KLHL29: variants seen among roughly 807,000 people sequenced by gnomAD.
KLHL29 encodes kelch like family member 29.
A neutral mutation model predicts 80.4 loss-of-function variants in KLHL29; 21 were observed. The ratio of observed to expected loss-of-function variants is 0.26; its 90% confidence interval spans 0.19 to 0.38. The LOEUF is 0.38. KLHL29 is among the 10% of genes least tolerant of loss of function. KLHL29 has a pLI of 1.00. For synonymous variants in KLHL29, 511 were observed against 526.8 expected, an observed-to-expected ratio of 0.97 and a Z score of 0.41; for missense variants, 867 against 1,223.9, an observed-to-expected ratio of 0.71 and a Z score of 4.35.
chr2:23,688,077 C>T (rs963637497), intron 6 of KLHL29, among the ~76,000 whole-genome samples: 1 of 152,152 alleles, frequency 6.6e-6, no homozygotes, highest in Non-Finnish European at 1.5e-5. Flanking sequence ...GGCAGCACCT[C>T]GGTAGAGTGG....
intron 2 of KLHL29, among the ~76,000 whole-genome samples, chr2:23,548,588 A>G (rs140120644): frequency 1.3e-5 from 2 of 152,104 alleles, no homozygotes. Context: ...GCGCCAACCC[A>G]TCTCTCCTTT....
chr2:23,495,255 C>T lies in KLHL29; in HGVS notation c.-46+19588C>T, dbSNP rs111655730. ...CTGCAGGAGGTGGTCCCTGTAGTGA[C>T]GTTCTAGGAGGTGCCTCTGTGGGCT... On this transcript the variant is annotated intron_variant, in intron 2 of 13. Coordinates refer to ENST00000486442, the MANE Select transcript of KLHL29 (RefSeq NM_052920.2). 3.3e-4 allele frequency among the ~76,000 whole-genome samples: 50 copies of T among 152,104 alleles called. 1 individual carries two copies. Among genetic ancestry groups the T allele is most frequent in the Non-Finnish European group, 5.3e-4 (36 of 67,982 alleles).
intron 1 of KLHL29, among the ~76,000 whole-genome samples, chr2:23,470,742 T>C (rs1369603720): frequency 1.3e-5 from 2 of 152,198 alleles, no homozygotes; most frequent in African/African-American, 2.4e-5. Flanking sequence ...CTTAATGGAA[T>C]AGGCAATCTC....
chr2:23,508,467 A>G (rs2103460117), intron 2 of KLHL29, among the ~76,000 whole-genome samples: 1 of 152,376 alleles, frequency 6.6e-6, no homozygotes, highest in African/African-American at 2.4e-5. Context: ...GCTAACAGGT[A>G]GGAGCTGTGC....
At chr2:23,387,546 A>T (rs1357382590) in intron 1 of KLHL29, among the ~76,000 whole-genome samples, 4 of 141,656 alleles carry the variant, frequency 2.8e-5, no homozygotes, top group African/African-American at 1.0e-4. Flanking sequence ...TATTATTATT[A>T]TGGAAAGAAG....
In KLHL29 at chr2:23,642,737, G is replaced by C; in HGVS notation, c.827G>C (p.Ser276Thr). The C allele has an allele frequency of 6.5e-7, 1 of 1,550,110 alleles. No homozygotes were observed. The highest frequency in any genetic ancestry group is 8.7e-7 in the Non-Finnish European group (1 of 1,146,776). The change falls in exon 5 of 14, where the codon AGT becomes ACT. Residue 276 changes from serine (S) to threonine (T), a missense_variant. Around this residue, in one of 2 missense-constraint regions of KLHL29, gnomAD observed 424 missense variants for 456.9 expected, o/e 0.93. Coordinates refer to ENST00000486442, the MANE Select transcript of KLHL29 (RefSeq NM_052920.2). ...GCCCAGCCGTCCGCCACTCTCCCCAGTGGTGCCCCTGCCACCAATGGGCCC... is the reference window on the plus strand; with the variant it reads ...GCCCAGCCGTCCGCCACTCTCCCCACTGGTGCCCCTGCCACCAATGGGCCC... The part of the protein sequence containing the change: ...PPAQPSATLP[S>T]GAPATNGPPT...
At chr2:23,676,589 G>C (rs1286595737) in intron 5 of KLHL29, among the ~76,000 whole-genome samples, 1 of 152,236 alleles carries the variant, frequency 6.6e-6, no homozygotes, top group Admixed American at 6.5e-5. Context: ...TCAGGAGTTT[G>C]AGATCAGCCT....
intron 1 of KLHL29, among the ~76,000 whole-genome samples, chr2:23,403,740 T>A (rs1044855095): frequency 7.3e-4 from 110 of 150,978 alleles, no homozygotes; most frequent in African/African-American, 2.5e-3. Flanking sequence ...TGTGTGTGTG[T>A]GTGTGTGTGT....
chr2:23,489,360 C>G lies in KLHL29; in HGVS notation c.-46+13693C>G, dbSNP rs1021085354. ...CAAAGGTCTCCAGGGAAAGAAATTC[C>G]ATCAGCTTCCAGAGTCCCTATTCCG... On this transcript the variant is annotated intron_variant, in intron 2 of 13. Transcript: ENST00000486442. 7.0e-5 allele frequency among the ~76,000 whole-genome samples: 9 copies of G among 129,366 alleles called. No individual in the cohort carries two copies. In the East Asian group the frequency reaches 1.6e-3, roughly 23 times the overall value. The allele number at this position is 129,366 out of a possible 152,430, so 84.9% of individuals were successfully genotyped here.
intron 2 of KLHL29, among the ~76,000 whole-genome samples, chr2:23,513,058 G>T (rs937032629): frequency 6.6e-6 from 1 of 152,364 alleles, no homozygotes; most frequent in East Asian, 1.9e-4. Context: ...ACCCCCAAGA[G>T]GGGAGAAGGC....
intron 1 of KLHL29, among the ~76,000 whole-genome samples, chr2:23,466,073 A>G (rs1664344240): frequency 6.6e-6 from 1 of 152,026 alleles, no homozygotes; most frequent in Admixed American, 6.6e-5. Flanking sequence ...TGCCAAGAGT[A>G]CACTCTTTAA....
intron 1 of KLHL29, among the ~76,000 whole-genome samples, chr2:23,409,276 G>A (rs1225850177): frequency 6.6e-6 from 1 of 152,188 alleles, no homozygotes; most frequent in Non-Finnish European, 1.5e-5. Flanking sequence ...ACTCTCCGCA[G>A]CTGTACTGAG....
intron 3 of KLHL29, among the ~76,000 whole-genome samples, chr2:23,625,282 A>G (rs983522165): frequency 6.6e-6 from 1 of 152,260 alleles, no homozygotes; most frequent in Non-Finnish European, 1.5e-5. Context: ...AGGAGCAAGC[A>G]AAGGAAACTT....
intron 1 of KLHL29, among the ~76,000 whole-genome samples, chr2:23,446,664 G>A (rs1663697921): frequency 6.6e-6 from 1 of 152,162 alleles, no homozygotes; most frequent in Admixed American, 6.5e-5. Context: ...ATGTGCTAAG[G>A]AAAAGCCCTG....
chr2:23,446,204 G>T (rs1162295821), intron 1 of KLHL29, among the ~76,000 whole-genome samples: 4 of 144,082 alleles, frequency 2.8e-5, no homozygotes, highest in Non-Finnish European at 4.6e-5. Flanking sequence ...TGCATTTGGA[G>T]TTTTTTTTTT....
intron 2 of KLHL29, among the ~76,000 whole-genome samples, chr2:23,561,029 C>T (rs978315707): frequency 5.3e-5 from 8 of 152,218 alleles, no homozygotes; most frequent in Non-Finnish European, 7.3e-5. Flanking sequence ...GACTCACCCC[C>T]AGACTGGAAA....
chr2:23,516,676 G>A (rs1454072019), intron 2 of KLHL29, among the ~76,000 whole-genome samples: 1 of 152,206 alleles, frequency 6.6e-6, no homozygotes, highest in Non-Finnish European at 1.5e-5. Flanking sequence ...CAGACTTCTT[G>A]GAATTCAAGC....
At chr2:23,649,016 C>T (rs767475427) in intron 5 of KLHL29, among the ~76,000 whole-genome samples, 4 of 152,322 alleles carry the variant, frequency 2.6e-5, no homozygotes, top group East Asian at 1.9e-4. Context: ...GTGCCTGGCA[C>T]GTAGTAGGCT....
chr2:23,413,844 C>A (rs757535585), intron 1 of KLHL29, among the ~76,000 whole-genome samples: 1 of 152,214 alleles, frequency 6.6e-6, no homozygotes, highest in African/African-American at 2.4e-5. Context: ...TCTTCCCCCA[C>A]GGGTGCGGTG....
Sources: gnomAD v4.1 joint callset for allele counts (sites outside exome capture counted in the v4.1 genomes callset) on GRCh38, gnomAD v4.1.1 for gene constraint, gnomAD v4.1.1 regional missense constraint, MANE v1.5 for transcripts, NCBI Gene and HGNC (gene_info 2026-07-23, HGNC 2026-07-21) for gene names.